The following CNTLN variants were observed in gnomAD, a reference collection of about 807,000 sequenced individuals.
CNTLN encodes centlein, centrosomal protein.
A neutral mutation model predicts 180.0 loss-of-function variants in CNTLN; 212 were observed. That is an observed-to-expected ratio of 1.18 (90% confidence interval 1.05 to 1.32). The LOEUF is 1.32. Among genes scored for constraint, CNTLN ranks in the 40% most tolerant of loss-of-function variants. The pLI, the probability that CNTLN is intolerant of heterozygous loss-of-function variation, is 0.00. For synonymous variants in CNTLN, 722 were observed against 563.1 expected, an observed-to-expected ratio of 1.28 and a Z score of -3.99; for missense variants, 2,095 against 1,610.9, an observed-to-expected ratio of 1.30 and a Z score of -5.14.
At chr9:17,371,091 C>G (rs1479518185) in intron 13 of CNTLN, among the ~76,000 whole-genome samples, 1 of 151,972 alleles carries the variant, frequency 6.6e-6, no homozygotes, top group African/African-American at 2.4e-5. Context: ...AACCAGGAAA[C>G]CAACAACAAA....
intron 5 of CNTLN, among the ~76,000 whole-genome samples, chr9:17,254,919 A>G (rs896873405): frequency 2.6e-5 from 4 of 151,756 alleles, no homozygotes; most frequent in African/African-American, 9.7e-5. Flanking sequence ...ATCCAGTGAC[A>G]TGAGATGTCT....
chr9:17,136,520 G>A (rs1586879247), intron 1 of CNTLN, among the ~76,000 whole-genome samples: 1 of 152,204 alleles, frequency 6.6e-6, no homozygotes, highest in Non-Finnish European at 1.5e-5. Flanking sequence ...TAGTAGAGAT[G>A]GGGTTTCACC....
chr9:17,462,321 C>T (rs1016507574), intron 19 of CNTLN, among the ~76,000 whole-genome samples: 4 of 151,710 alleles, frequency 2.6e-5, no homozygotes, highest in Admixed American at 2.6e-4. Flanking sequence ...TACACTTCCA[C>T]ATGATACATC....
chr9:17,327,038 C>T (rs1820341174), intron 8 of CNTLN, among the ~76,000 whole-genome samples: 1 of 151,852 alleles, frequency 6.6e-6, no homozygotes, highest in Non-Finnish European at 1.5e-5. Context: ...AACAAATGTA[C>T]CATACTAATT....
chr9:17,516,263 G>C, the CNTLN span, among the ~76,000 whole-genome samples: 1 of 152,156 alleles, frequency 6.6e-6, no homozygotes, highest in South Asian at 2.1e-4. Flanking sequence ...GCACATATCT[G>C]TGTATCACCC....
intron 5 of CNTLN, among the ~76,000 whole-genome samples, chr9:17,267,766 C>T (rs1287108948): frequency 2.6e-5 from 4 of 152,166 alleles, no homozygotes; most frequent in African/African-American, 9.7e-5. Context: ...CTAAACTTCT[C>T]TTCTCACTTC....
Position 17,471,843 on chromosome 9 carries a change from G to C in CNTLN, c.3855+4952G>C. On this transcript the variant is annotated intron_variant, in intron 23 of 25. Transcript: ENST00000380647. ...AAAGGCCAGATGGAAGTAGCACCCA[G>C]TGTTGAAAACAGGCTGATTTGTTTA... Among the ~76,000 whole-genome samples, 2 of 152,078 alleles carry C rather than the reference G, an allele frequency of 1.3e-5. 1 individual carries two copies. The highest frequency in any genetic ancestry group is 2.9e-5 in the Non-Finnish European group (2 of 67,970).
At chr9:17,307,315 C>G (rs994555555) in intron 7 of CNTLN, among the ~76,000 whole-genome samples, 3 of 152,090 alleles carry the variant, frequency 2.0e-5, no homozygotes, top group African/African-American at 4.8e-5. Flanking sequence ...GTCACCCAGA[C>G]TGGAGTGCAG....
At chr9:17,447,299 GC>G (rs1488489321) in intron 18 of CNTLN, 2 of 201,520 alleles carry the variant, frequency 9.9e-6, no homozygotes, top group African/African-American at 4.7e-5. Context: ...GATACATTCA[GC>G]CAGCTCACGA....
chr9:17,198,449 G>T (rs1587107225), intron 2 of CNTLN, among the ~76,000 whole-genome samples: 1 of 99,200 alleles, frequency 1.0e-5, no homozygotes. Flanking sequence ...AGTTTTCATT[G>T]TAGAGATCTT....
At position 17,457,735 on chromosome 9, in the gene CNTLN, A is replaced by G. The variant is rs757708784; in HGVS notation, c.3306+20A>G. The stretch of plus-strand genomic sequence containing the variant: ...CTAAAGGTGATTATAAAATTTATTA[A>G]GCATGAAAACATACATTATGCTTGA... On this transcript the variant is annotated intron_variant, in intron 19 of 25. Coordinates refer to ENST00000380647, the MANE Select transcript of CNTLN (RefSeq NM_017738.4). 1 of 1,374,034 alleles carries G rather than the reference A, an allele frequency of 7.3e-7. No individual in the cohort carries two copies. Among genetic ancestry groups the G allele is most frequent in the Non-Finnish European group, 9.6e-7 (1 of 1,045,624 alleles). 85.1% of individuals were successfully genotyped at this position (1,374,034 alleles called of 1,614,324 possible). A position where few individuals can be genotyped will look rare whatever the true frequency, so the allele number is the denominator to read the frequency against.
rs1162505519 is a variant in CNTLN at position 17,318,205 on chromosome 9, A to AT, written c.1341+8958dup. Among the ~76,000 whole-genome samples the AT allele has an allele frequency of 9.9e-5, 15 of 151,244 alleles. 1 individual carries two copies. The highest frequency in any genetic ancestry group is 3.6e-4 in the African/African-American group (15 of 41,200). ...ACCACGCCCGGCTAATTTTTTTTGT[A>AT]TTTTTAGTAGAGATGGGGTTTCACC... On this transcript the variant is annotated intron_variant, in intron 8 of 25. Coordinates refer to ENST00000380647, the MANE Select transcript of CNTLN (RefSeq NM_017738.4).
intron 12 of CNTLN, among the ~76,000 whole-genome samples, chr9:17,346,173 G>C (rs904347885): frequency 6.6e-6 from 1 of 152,168 alleles, no homozygotes; most frequent in African/African-American, 2.4e-5. Context: ...CATGGTGGCA[G>C]AGGAGAGGAG....
chr9:17,241,091 C>T (rs1825461504), intron 5 of CNTLN, among the ~76,000 whole-genome samples: 1 of 152,156 alleles, frequency 6.6e-6, no homozygotes. Context: ...ATCTCCTGAC[C>T]TGGTGATCCG....
chr9:17,301,814 T>A, intron 7 of CNTLN: 1 of 981,662 alleles, frequency 1.0e-6, no homozygotes, highest in Non-Finnish European at 1.2e-6. Context: ...CTTTTATAAT[T>A]CCATCTCCCA....
chr9:17,469,030 A>G (rs1232559209), intron 23 of CNTLN, among the ~76,000 whole-genome samples: 1 of 151,676 alleles, frequency 6.6e-6, no homozygotes. Context: ...GAATTTTTAC[A>G]CTTTGTTTCA....
At chr9:17,216,495 G>C (rs765556106) in intron 2 of CNTLN, among the ~76,000 whole-genome samples, 1 of 151,808 alleles carries the variant, frequency 6.6e-6, no homozygotes, top group African/African-American at 2.4e-5. Flanking sequence ...TTTATTGGCC[G>C]GTTTATTAAG....
At chr9:17,311,127 C>G (rs1482988916) in intron 8 of CNTLN, among the ~76,000 whole-genome samples, 1 of 151,928 alleles carries the variant, frequency 6.6e-6, no homozygotes, top group Admixed American at 6.6e-5. Context: ...TGGGTTCAAG[C>G]AATTCTCCTG....
Position 17,326,496 on chromosome 9 carries a change from A to G in CNTLN, c.1342-4136A>G, listed in dbSNP as rs1383123036. The stretch of plus-strand genomic sequence containing the variant: ...GATATATGGAGATCTATGATGATAT[A>G]CATGTATATCATATATTTTATTACT... On this transcript the variant is annotated intron_variant, in intron 8 of 25. Coordinates refer to ENST00000380647, the MANE Select transcript of CNTLN (RefSeq NM_017738.4). Among the ~76,000 whole-genome samples the G allele has an allele frequency of 2.6e-5, 4 of 152,132 alleles. No individual in the cohort carries two copies. In the East Asian group the frequency reaches 7.7e-4, roughly 29 times the overall value.
Sources: allele counts gnomAD v4.1 joint callset (sites outside exome capture counted in the v4.1 genomes callset), GRCh38; gene constraint gnomAD v4.1.1; transcripts MANE v1.5; gene names NCBI Gene and HGNC (gene_info 2026-07-23, HGNC 2026-07-21).